The following SMG6 variants were observed in gnomAD, a reference collection of about 807,000 sequenced individuals.
The protein encoded by SMG6 is telomerase-binding protein EST1A.
A neutral mutation model predicts 142.2 loss-of-function variants in SMG6; 66 were observed. The observed-to-expected ratio is 0.46, with a 90% CI of 0.38 to 0.57. SMG6 has a LOEUF of 0.57. SMG6 is among the 20% of genes least tolerant of loss of function. The probability of loss-of-function intolerance (pLI) is 0.00; values close to 1 mark genes in which losing one functional copy is unlikely to be tolerated. For synonymous variants in SMG6, 779 were observed against 702.4 expected (o/e 1.11, Z -1.72); for missense variants, 1,793 against 1,832.0 (o/e 0.98, Z 0.39).
intron 5 of SMG6, 90 bp downstream of exon 5, chr17:2,292,781 T>C: frequency 7.2e-7 from 1 of 1,396,416 alleles, no homozygotes; most frequent in Non-Finnish European, 1.0e-6. Context: ...TAGGGACACC[T>C]GTACAACACC....
chr17:2,202,775 A>G lies in SMG6; in HGVS notation c.2870-14260T>C, dbSNP rs147585377. On this transcript the variant is annotated intron_variant, in intron 10 of 18. Coordinates refer to ENST00000263073, the MANE Select transcript of SMG6 (RefSeq NM_017575.5). ...GCACTGATAACCTGCTTTATGAACA[A>G]AGAAACTCAACCTCAGAGACGGTAA... Among the ~76,000 whole-genome samples, 141 of 152,352 alleles carry G rather than the reference A, an allele frequency of 9.3e-4. 1 individual carries two copies. Among genetic ancestry groups the G allele is most frequent in the African/African-American group, 3.3e-3 (137 of 41,580 alleles).
intron 13 of SMG6, among the ~76,000 whole-genome samples, chr17:2,097,974 G>C (rs1597380296): frequency 6.6e-6 from 1 of 152,042 alleles, no homozygotes; most frequent in African/African-American, 2.4e-5. Context: ...CTGATAAACT[G>C]TGAGCTTCTT....
At chr17:2,191,020 G>T (rs1374947299) in intron 10 of SMG6, among the ~76,000 whole-genome samples, 1 of 152,210 alleles carries the variant, frequency 6.6e-6, no homozygotes, top group Non-Finnish European at 1.5e-5. Flanking sequence ...TGGCTCAGTA[G>T]TACCTCAAGC....
chr17:2,244,974 G>C, intron 8 of SMG6: 1 of 508,852 alleles, frequency 2.0e-6, no homozygotes. Context: ...TGTGTGCAGG[G>C]GATGAGGCGG....
chr17:2,237,533 T>C (rs2073697449), intron 9 of SMG6: 3 of 985,394 alleles, frequency 3.0e-6, no homozygotes, highest in East Asian at 1.1e-4. Flanking sequence ...TCTTCGTGTG[T>C]TGCCGTCCTC....
intron 13 of SMG6, among the ~76,000 whole-genome samples, chr17:2,116,529 T>C: frequency 6.6e-6 from 1 of 152,094 alleles, no homozygotes; most frequent in East Asian, 1.9e-4. Context: ...AGGAGTTCCT[T>C]GAGGTCAGGA....
chr17:2,269,426 A>AT (rs2074499326), intron 8 of SMG6, among the ~76,000 whole-genome samples: 1 of 149,392 alleles, frequency 6.7e-6, no homozygotes, highest in Admixed American at 6.8e-5. Context: ...TGCCACCTAC[A>AT]TAACACACTT....
intron 12 of SMG6, among the ~76,000 whole-genome samples, chr17:2,185,052 G>C (rs1567666549): frequency 1.3e-5 from 2 of 150,934 alleles, no homozygotes; most frequent in African/African-American, 4.9e-5. Context: ...ACCTACTTGG[G>C]GACACATGAA....
intron 10 of SMG6, among the ~76,000 whole-genome samples, chr17:2,192,758 G>A (rs1238553170): frequency 6.6e-6 from 1 of 152,196 alleles, no homozygotes; most frequent in African/African-American, 2.4e-5. Flanking sequence ...TACAGGAAGT[G>A]GGCAGTGAGA....
At chr17:2,281,045 C>T (rs575135226) in intron 8 of SMG6, among the ~76,000 whole-genome samples, 2 of 152,286 alleles carry the variant, frequency 1.3e-5, no homozygotes, top group East Asian at 3.9e-4. Flanking sequence ...CAGAGACCGA[C>T]CCTGTTTTTG....
In SMG6 at chr17:2,061,609, C is replaced by CCGGATTGG; in HGVS notation, c.4135_4142dup (p.Leu1382GlnfsTer11). ...TCAACAGCACCACCTCCCGCAGTAGCCGGATTGGCTCCTCTGTGGGCATGA... is the reference window on the plus strand; with the variant it reads ...TCAACAGCACCACCTCCCGCAGTAGCCGGATTGGCGGATTGGCTCCTCTGTGGGCATGA... On this transcript the variant is annotated frameshift_variant, in exon 19 of 19. Transcript: ENST00000263073. LOFTEE classifies it high-confidence loss of function. 6.4e-7 allele frequency: 1 copy of CCGGATTGG among 1,572,206 alleles called. No individual in the cohort carries two copies. Among genetic ancestry groups the CCGGATTGG allele is most frequent in the African/African-American group, 1.4e-5 (1 of 73,888 alleles).
At chr17:2,201,334 G>A (rs2072514587) in intron 10 of SMG6, among the ~76,000 whole-genome samples, 1 of 151,168 alleles carries the variant, frequency 6.6e-6, no homozygotes, top group Non-Finnish European at 1.5e-5. Context: ...TAAAACAGAT[G>A]GATGAACAAT....
chr17:2,201,500 C>A (rs1056638027), intron 10 of SMG6, among the ~76,000 whole-genome samples: 1 of 151,990 alleles, frequency 6.6e-6, no homozygotes, highest in Non-Finnish European at 1.5e-5. Context: ...TCGAGACTGG[C>A]CTGATCAACA....
intron 4 of SMG6, among the ~76,000 whole-genome samples, chr17:2,295,441 C>T (rs2075124746): frequency 6.6e-6 from 1 of 152,176 alleles, no homozygotes. Context: ...AGCCAAGATG[C>T]TTAAAAGAAT....
intron 13 of SMG6, among the ~76,000 whole-genome samples, chr17:2,112,755 C>CTTTT (rs1189843396): frequency 7.7e-6 from 1 of 130,224 alleles, no homozygotes; most frequent in Non-Finnish European, 1.7e-5. Flanking sequence ...GAGCTCCAAA[C>CTTTT]TTTTTTTTTT....
intron 13 of SMG6, among the ~76,000 whole-genome samples, chr17:2,144,269 C>T (rs8079479): frequency 0.017 from 2,622 of 152,008 alleles, 76 homozygotes; most frequent in African/African-American, 0.061. Context: ...TTGTTGACCT[C>T]GAGACCAGGC....
intron 13 of SMG6, among the ~76,000 whole-genome samples, chr17:2,131,572 T>A (rs2070123227): frequency 6.6e-6 from 1 of 152,134 alleles, no homozygotes. Context: ...TGCTGGGGGA[T>A]TCCAGGCATG....
Position 2,172,874 on chromosome 17 carries a change from G to A in SMG6, c.3156-15C>T. On this transcript the variant is annotated splice_polypyrimidine_tract_variant and intron_variant, in intron 12 of 18. Transcript: ENST00000263073. ...CCACAGCAACACTGTGAGAAATAAG[G>A]TAAGAAAAGAGCAGCTCTAAAGAGG... The A allele has an allele frequency of 6.2e-7, 1 of 1,613,082 alleles. No individual in the cohort carries two copies. Among genetic ancestry groups the A allele is most frequent in the Non-Finnish European group, 8.5e-7 (1 of 1,179,072 alleles).
At chr17:2,082,384 T>G in intron 14 of SMG6, 1 of 171,330 alleles carries the variant, frequency 5.8e-6, no homozygotes, top group South Asian at 1.4e-4. Flanking sequence ...AACGATCTGA[T>G]AGGAATCAGC....
Sources: gnomAD v4.1 joint callset for allele counts (sites outside exome capture counted in the v4.1 genomes callset) on GRCh38, gnomAD v4.1.1 for gene constraint, MANE v1.5 for transcripts, NCBI Gene and HGNC (gene_info 2026-07-23, HGNC 2026-07-21) for gene names.